RAPGEF5: variants seen among roughly 807,000 people sequenced by gnomAD.
RAPGEF5 encodes Rap guanine nucleotide exchange factor 5.
RAPGEF5 carries 65 observed loss-of-function variants against 125.2 expected under a neutral mutation model. The ratio of observed to expected loss-of-function variants is 0.52; its 90% CI spans 0.43 to 0.64. The LOEUF (loss-of-function observed/expected upper bound fraction) is 0.64, where lower values mean the gene tolerates loss of function less well. Ranked by LOEUF, RAPGEF5 falls within the 30% of genes least tolerant of loss-of-function variation. The pLI is 0.00. For synonymous variants in RAPGEF5, 391 were observed against 385.9 expected (o/e 1.01, Z -0.16); for missense variants, 958 against 1,048.1 (o/e 0.91, Z 1.19).
chr7:22,298,929 G>T (rs1227697697), intron 5 of RAPGEF5, among the ~76,000 whole-genome samples: 1 of 151,456 alleles, frequency 6.6e-6, no homozygotes, highest in African/African-American at 2.4e-5. Flanking sequence ...GCTTTCAAAT[G>T]TAAGTCTGCA....
At chr7:22,287,477 T>A (rs1231561217) in intron 6 of RAPGEF5, among the ~76,000 whole-genome samples, 1 of 152,160 alleles carries the variant, frequency 6.6e-6, no homozygotes, top group Non-Finnish European at 1.5e-5. Flanking sequence ...TCTAAGATAG[T>A]CACATGCAAA....
chr7:22,312,681 C>T lies in RAPGEF5; in HGVS notation c.390-2591G>A, dbSNP rs941706389. Among the ~76,000 whole-genome samples, 26 of 152,186 alleles carry T rather than the reference C, an allele frequency of 1.7e-4. 1 individual carries two copies. The highest frequency in any genetic ancestry group is 7.2e-4 in the Admixed American group (11 of 15,268). ...ACAATATTAATTAAAAACTGAGCCCCGCTCTCAGAGCAAACTACCATTTCT... is the reference window on the plus strand; with the variant it reads ...ACAATATTAATTAAAAACTGAGCCCTGCTCTCAGAGCAAACTACCATTTCT... On this transcript the variant is annotated intron_variant, in intron 3 of 25. Coordinates refer to ENST00000665637, the MANE Select transcript of RAPGEF5 (RefSeq NM_012294.5).
At chr7:22,178,169 C>A (rs1583452120) in intron 11 of RAPGEF5, among the ~76,000 whole-genome samples, 1 of 151,680 alleles carries the variant, frequency 6.6e-6, no homozygotes, top group East Asian at 1.9e-4. Flanking sequence ...TTAAGACTGA[C>A]CAGTTACACA....
intron 25 of RAPGEF5, chr7:22,125,395 T>A: frequency 4.0e-6 from 2 of 497,872 alleles, no homozygotes; most frequent in Non-Finnish European, 7.3e-6. Flanking sequence ...CATGAGGGGA[T>A]AATAATCTGC....
At chr7:22,302,409 G>A (rs1029661988) in intron 5 of RAPGEF5, among the ~76,000 whole-genome samples, 1 of 152,166 alleles carries the variant, frequency 6.6e-6, no homozygotes, top group Non-Finnish European at 1.5e-5. Context: ...CAGCCAGGCA[G>A]GACCACCAGC....
At chr7:22,144,608 G>T (rs1395997004) in intron 20 of RAPGEF5, among the ~76,000 whole-genome samples, 1 of 152,166 alleles carries the variant, frequency 6.6e-6, no homozygotes, top group Non-Finnish European at 1.5e-5. Context: ...CCAGTGCAGG[G>T]CCTTCTAATG....
intron 8 of RAPGEF5, among the ~76,000 whole-genome samples, chr7:22,230,532 T>C (rs1357363020): frequency 6.6e-6 from 1 of 152,212 alleles, no homozygotes; most frequent in African/African-American, 2.4e-5. Flanking sequence ...AGCAAGTTGG[T>C]GCTGTCAGCT....
intron 1 of RAPGEF5, among the ~76,000 whole-genome samples, chr7:22,334,269 A>G (rs1438326328): frequency 7.0e-6 from 1 of 143,786 alleles, no homozygotes; most frequent in African/African-American, 2.5e-5. Flanking sequence ...AGGAGGAAAG[A>G]GAAAGAGAAG....
chr7:22,355,593 G>A (rs1784406183), intron 1 of RAPGEF5, among the ~76,000 whole-genome samples: 1 of 152,064 alleles, frequency 6.6e-6, no homozygotes, highest in African/African-American at 2.4e-5. Flanking sequence ...AACTCTCTGG[G>A]TCACCGACTT....
rs148151120 is a variant in RAPGEF5 at position 22,295,772 on chromosome 7, A to C, written c.681-4531T>G. 4.6e-3 allele frequency among the ~76,000 whole-genome samples: 702 copies of C among 152,302 alleles called. 9 individuals are homozygous for C. Among genetic ancestry groups the C allele is most frequent in the African/African-American group, 0.016 (672 of 41,564 alleles). On this transcript the variant is annotated intron_variant, in intron 5 of 25. Transcript: ENST00000665637. ...AAATTTTTTGAAAAATACTAAAAAA[A>C]AAAAAGTTTGTTTACCCACACGGTA...
Position 22,230,893 on chromosome 7 carries a change from C to T in RAPGEF5, c.823G>A (p.Asp275Asn), listed in dbSNP as rs781468075. 21 of 1,563,920 alleles carry T rather than the reference C, an allele frequency of 1.3e-5. No homozygotes were observed. Among genetic ancestry groups the T allele is most frequent in the African/African-American group, 9.5e-5 (7 of 74,034 alleles). Reference protein sequence around the residue: ...SAIEQDEENNDKHVAVTEAES... With the variant: ...SAIEQDEENNNKHVAVTEAES... ...GCTTCTGTTACAGCTACATGTTTGT[C>T]GTTGTTTTCTTCATCTTGTTCAATT... The change falls in exon 8 of 26, where the codon GAC (aspartate) becomes AAC (asparagine). Residue 275 changes from aspartate (D) to asparagine (N), a missense_variant. Physicochemically the swap from Asp to Asn is conservative, Grantham distance 23. Coordinates refer to ENST00000665637, the MANE Select transcript of RAPGEF5 (RefSeq NM_012294.5).
chr7:22,335,209 T>C (rs1263670103), intron 1 of RAPGEF5, among the ~76,000 whole-genome samples: 6 of 152,224 alleles, frequency 3.9e-5, no homozygotes, highest in Non-Finnish European at 8.8e-5. Context: ...CAAGAAATAG[T>C]GGTGTTCATT....
chr7:22,186,542 G>T (rs550927988), intron 11 of RAPGEF5, among the ~76,000 whole-genome samples: 11 of 152,112 alleles, frequency 7.2e-5, no homozygotes, highest in Non-Finnish European at 1.0e-4. Flanking sequence ...TTTATTGTCT[G>T]ATTCCCTCCA....
chr7:22,313,298 C>T (rs528734128), intron 3 of RAPGEF5, among the ~76,000 whole-genome samples: 1 of 152,164 alleles, frequency 6.6e-6, no homozygotes, highest in African/African-American at 2.4e-5. Context: ...AAAGAAATGA[C>T]GTCTCAGAAA....
chr7:22,206,849 GAAAC>G lies in RAPGEF5; in HGVS notation c.997-12820_997-12817del, dbSNP rs566698261. 4.6e-3 allele frequency among the ~76,000 whole-genome samples: 695 copies of G among 151,904 alleles called. 7 individuals are homozygous for G. The highest frequency in any genetic ancestry group is 0.016 in the African/African-American group (644 of 41,452). On this transcript the variant is annotated intron_variant, in intron 9 of 25. Transcript: ENST00000665637. ...CATGTGTATAAAAATAATTAATTAG[GAAAC>G]AAACTAAGTAGAAAACAAACTGAGG...
intron 1 of RAPGEF5, among the ~76,000 whole-genome samples, chr7:22,343,210 G>T (rs1029280214): frequency 1.3e-5 from 2 of 152,144 alleles, no homozygotes; most frequent in African/African-American, 4.8e-5. Flanking sequence ...AAAACCATCA[G>T]ATCTCATAAA....
chr7:22,182,954 T>C (rs1161219953), intron 11 of RAPGEF5, among the ~76,000 whole-genome samples: 1 of 152,166 alleles, frequency 6.6e-6, no homozygotes, highest in Non-Finnish European at 1.5e-5. Flanking sequence ...GGACTATTAT[T>C]AGGTCCTCAT....
intron 1 of RAPGEF5, among the ~76,000 whole-genome samples, chr7:22,348,815 G>A (rs1468938645): frequency 3.9e-5 from 6 of 152,188 alleles, no homozygotes; most frequent in African/African-American, 4.8e-5. Flanking sequence ...GATTGGGTAC[G>A]GTGGCTCACG....
chr7:22,230,968 G>A, intron 7 of RAPGEF5, 49 bp from the exon 8 acceptor site: 1 of 1,506,158 alleles, frequency 6.6e-7, no homozygotes. Context: ...TACAAAAAAT[G>A]CTTCAGATAA....
Sources: allele counts gnomAD v4.1 joint callset (sites outside exome capture counted in the v4.1 genomes callset), GRCh38; gene constraint gnomAD v4.1.1; transcripts MANE v1.5; gene names NCBI Gene and HGNC (gene_info 2026-07-23, HGNC 2026-07-21).